The following ACER1 variants were observed in gnomAD, a reference collection of about 807,000 sequenced individuals.
ACER1 encodes alkaline ceramidase 1.
Under a neutral mutation model 24.9 loss-of-function variants are expected in ACER1, and 28 were observed. That is an observed-to-expected ratio of 1.13 (90% CI 0.83 to 1.54). The LOEUF is 1.54. Ranked by LOEUF, ACER1 falls within the 40% of genes most tolerant of loss-of-function variation. The pLI, the probability that ACER1 is intolerant of heterozygous loss-of-function variation, is 0.00. For synonymous variants in ACER1, 132 were observed against 131.4 expected, an observed-to-expected ratio of 1.00 and a Z score of -0.03; for missense variants, 352 against 349.3, an observed-to-expected ratio of 1.01 and a Z score of -0.06.
chr19:6,357,570 G>A, the ACER1 span, among the ~76,000 whole-genome samples: 1 of 151,876 alleles, frequency 6.6e-6, no homozygotes. Flanking sequence ...TCAGGAGTTC[G>A]AGACCAGCCT....
At chr19:6,344,929 G>A in the ACER1 span, among the ~76,000 whole-genome samples, 2 of 151,042 alleles carry the variant, frequency 1.3e-5, no homozygotes, top group Non-Finnish European at 2.9e-5. Flanking sequence ...GCAGTGGCAC[G>A]ATCTCGGCTC....
At chr19:6,341,357 G>A in the ACER1 span, among the ~76,000 whole-genome samples, 3 of 150,816 alleles carry the variant, frequency 2.0e-5, no homozygotes, top group East Asian at 5.9e-4. Context: ...AGGGGACCCT[G>A]TTTCTACAAA....
intron 1 of ACER1, among the ~76,000 whole-genome samples, chr19:6,313,064 G>A (rs1051612604): frequency 3.3e-5 from 5 of 152,108 alleles, no homozygotes; most frequent in Non-Finnish European, 7.4e-5. Context: ...TTCAGTGAGT[G>A]TGGCAAAGAC....
At chr19:6,356,894 G>T in the ACER1 span, among the ~76,000 whole-genome samples, 6 of 151,978 alleles carry the variant, frequency 3.9e-5, no homozygotes, top group Admixed American at 6.6e-5. Context: ...GCAGACAATA[G>T]AAAAAGAAAC....
At chr19:6,328,090 A>G (rs2091670032) in intron 1 of ACER1, among the ~76,000 whole-genome samples, 1 of 150,984 alleles carries the variant, frequency 6.6e-6, no homozygotes. Context: ...AAAAAAAAAA[A>G]TTATTGGCAT....
chr19:6,324,192 G>A (rs919188692), intron 1 of ACER1, among the ~76,000 whole-genome samples: 13 of 151,792 alleles, frequency 8.6e-5, no homozygotes, highest in African/African-American at 3.1e-4. Context: ...TTATAGGTGT[G>A]AGCCACCACG....
chr19:6,334,110 T>A (rs2091703235), upstream of ACER1, among the ~76,000 whole-genome samples: 1 of 151,606 alleles, frequency 6.6e-6, no homozygotes, highest in Non-Finnish European at 1.5e-5. Flanking sequence ...AGTGGCATGA[T>A]CTCAGCTCAC....
chr19:6,323,445 A>G (rs1287763539), intron 1 of ACER1, among the ~76,000 whole-genome samples: 1 of 151,966 alleles, frequency 6.6e-6, no homozygotes, highest in Admixed American at 6.6e-5. Context: ...AAAAGAAAAA[A>G]AAATGGGAGT....
rs80071922 is a variant in ACER1, at chr19:6,311,773, G to A, written c.350+376C>T. On this transcript the variant is annotated intron_variant, in intron 3 of 5. Coordinates refer to ENST00000301452, the MANE Select transcript of ACER1 (RefSeq NM_133492.3). ...AATTAGATCAAGAGAGGGACCCAGG[G>A]GGTCTAAGCAGATCAGATGAAAGAT... 5.3e-3 allele frequency among the ~76,000 whole-genome samples: 802 copies of A among 152,066 alleles called. 10 individuals are homozygous for A. The highest frequency in any genetic ancestry group is 0.019 in the African/African-American group (773 of 41,492).
At chr19:6,336,762 G>T (rs1442859840), upstream of ACER1, among the ~76,000 whole-genome samples, 3 of 148,460 alleles carry the variant, frequency 2.0e-5, no homozygotes, top group African/African-American at 5.0e-5. Context: ...GGAGGTAGTA[G>T]TGAGCCGAGA....
the ACER1 span, among the ~76,000 whole-genome samples, chr19:6,342,695 A>C: frequency 6.6e-6 from 1 of 151,934 alleles, no homozygotes; most frequent in South Asian, 2.1e-4. Flanking sequence ...CTCCAGTCTG[A>C]GCAACAGAGC....
At chr19:6,326,405 C>T (rs917154506) in intron 1 of ACER1, among the ~76,000 whole-genome samples, 10 of 151,902 alleles carry the variant, frequency 6.6e-5, no homozygotes, top group East Asian at 1.9e-4. Flanking sequence ...GGATTACAGG[C>T]GTGAGCCACT....
At chr19:6,353,535 G>A in the ACER1 span, 5 of 106,566 alleles carry the variant, frequency 4.7e-5, no homozygotes, top group Admixed American at 9.9e-5. Flanking sequence ...ACTTTAAGTC[G>A]TGGTTCTTGG....
chr19:6,355,054 A>G, the ACER1 span, among the ~76,000 whole-genome samples: 1 of 152,124 alleles, frequency 6.6e-6, no homozygotes, highest in African/African-American at 2.4e-5. Flanking sequence ...CCAGCTCCTA[A>G]GTGCGAGTGA....
the ACER1 span, among the ~76,000 whole-genome samples, chr19:6,342,114 A>G: frequency 0.26 from 39,913 of 152,050 alleles, 7,399 homozygotes; most frequent in African/African-American, 0.52. Flanking sequence ...ATTTTAGTCT[A>G]ACAATGCCCA....
At chr19:6,335,855 G>C (rs969600232), upstream of ACER1, among the ~76,000 whole-genome samples, 8 of 150,418 alleles carry the variant, frequency 5.3e-5, no homozygotes, top group Non-Finnish European at 1.0e-4. Context: ...AATCCTAAGC[G>C]CCAGGAACTA....
At chr19:6,318,762 C>A (rs11669929) in intron 1 of ACER1, among the ~76,000 whole-genome samples, 1 of 19,296 alleles carries the variant, frequency 5.2e-5, no homozygotes, top group Non-Finnish European at 1.3e-4. Flanking sequence ...CTCCAGCCTG[C>A]GCAACAGAGC....
At chr19:6,316,468 G>T (rs1433418813) in intron 1 of ACER1, among the ~76,000 whole-genome samples, 1 of 152,080 alleles carries the variant, frequency 6.6e-6, no homozygotes, top group African/African-American at 2.4e-5. Flanking sequence ...AAATGCCTTT[G>T]CGGCAACATG....
the ACER1 span, among the ~76,000 whole-genome samples, chr19:6,357,494 A>G: frequency 0.34 from 51,095 of 151,772 alleles, 14,307 homozygotes; most frequent in African/African-American, 0.77. Flanking sequence ...TTTCTCAGCC[A>G]AGCGCGGTGG....
Sources: gnomAD v4.1 joint callset for allele counts (sites outside exome capture counted in the v4.1 genomes callset) on GRCh38, gnomAD v4.1.1 for gene constraint, MANE v1.5 for transcripts, NCBI Gene and HGNC (gene_info 2026-07-23, HGNC 2026-07-21) for gene names.